The following GALNT17 variants were observed in gnomAD, a reference collection of about 807,000 sequenced individuals.
GALNT17 encodes the protein UDP-GalNAc:polypeptide N-acetylgalactosaminyltransferase-like 3.
GALNT17 carries 29 observed loss-of-function variants against 63.7 expected under a neutral mutation model. The ratio of observed to expected loss-of-function variants is 0.46; its 90% confidence interval spans 0.34 to 0.62. GALNT17 has a LOEUF of 0.62. GALNT17 is among the 20% of genes least tolerant of loss of function. The probability of loss-of-function intolerance (pLI) is 0.01; values close to 1 mark genes in which losing one functional copy is unlikely to be tolerated. For missense variants in GALNT17, 603 were observed against 799.6 expected (o/e 0.75, Z 2.97); for synonymous variants, 305 against 318.3 (o/e 0.96, Z 0.45).
At position 71,391,537 on chromosome 7, in the gene GALNT17, C is replaced by T. The variant is rs187105539; in HGVS notation, c.589+3136C>T. On this transcript the variant is annotated intron_variant, in intron 3 of 10. Coordinates refer to ENST00000333538, the MANE Select transcript of GALNT17 (RefSeq NM_022479.3). ...TCACTCTGTCGCCCGGGCTGGAGTGCGGTGGTGCGATCACAGCTTGTTGCA... is the reference window on the plus strand; with the variant it reads ...TCACTCTGTCGCCCGGGCTGGAGTGTGGTGGTGCGATCACAGCTTGTTGCA... Among the ~76,000 whole-genome samples, 16 of 152,240 alleles carry T rather than the reference C, an allele frequency of 1.1e-4. No individual in the cohort carries two copies. In the East Asian group the frequency reaches 1.2e-3, roughly 11 times the overall value.
intron 1 of GALNT17, among the ~76,000 whole-genome samples, chr7:71,285,172 G>A (rs1315238604): frequency 6.6e-6 from 1 of 152,096 alleles, no homozygotes; most frequent in Admixed American, 6.6e-5. Context: ...ATTAACTACC[G>A]AATACACCTT....
chr7:71,332,954 C>G (rs923440930), intron 1 of GALNT17, among the ~76,000 whole-genome samples: 13 of 152,330 alleles, frequency 8.5e-5, no homozygotes, highest in African/African-American at 3.1e-4. Context: ...TCCCAAATTG[C>G]TGGGATTACA....
At chr7:71,277,306 AT>A (rs1008991383) in intron 1 of GALNT17, among the ~76,000 whole-genome samples, 1 of 152,164 alleles carries the variant, frequency 6.6e-6, no homozygotes, top group Non-Finnish European at 1.5e-5. Flanking sequence ...TCGCATAGAC[AT>A]AAAGATGGAA....
chr7:71,339,072 T>G (rs1051495734), intron 2 of GALNT17, among the ~76,000 whole-genome samples: 26 of 152,198 alleles, frequency 1.7e-4, no homozygotes, highest in Non-Finnish European at 2.6e-4. Flanking sequence ...CATTGGCAAA[T>G]AAACATGGCC....
chr7:71,390,707 C>T (rs1194629531), intron 3 of GALNT17, among the ~76,000 whole-genome samples: 1 of 152,190 alleles, frequency 6.6e-6, no homozygotes. Flanking sequence ...TTCTCTCGAA[C>T]TCCCTGTTCC....
chr7:71,236,075 G>A (rs1048518942), intron 1 of GALNT17, among the ~76,000 whole-genome samples: 4 of 152,072 alleles, frequency 2.6e-5, no homozygotes, highest in Non-Finnish European at 5.9e-5. Context: ...CAGCTACTTG[G>A]GAGGCTAAAG....
chr7:71,438,181 C>T (rs1787001674), intron 5 of GALNT17, among the ~76,000 whole-genome samples: 2 of 152,122 alleles, frequency 1.3e-5, no homozygotes, highest in Admixed American at 1.3e-4. Flanking sequence ...AGTATTAACT[C>T]ACAAGATGAC....
At chr7:71,287,241 C>T (rs1790891865) in intron 1 of GALNT17, among the ~76,000 whole-genome samples, 1 of 151,966 alleles carries the variant, frequency 6.6e-6, no homozygotes, top group African/African-American at 2.4e-5. Flanking sequence ...AGGCATTGTG[C>T]CACCATGCCT....
chr7:71,501,944 G>A (rs1788186898), intron 5 of GALNT17, among the ~76,000 whole-genome samples: 1 of 151,872 alleles, frequency 6.6e-6, no homozygotes, highest in Non-Finnish European at 1.5e-5. Context: ...TTTCACTAGA[G>A]AAGCCCTGTC....
At chr7:71,508,553 A>AC (rs923208578) in intron 5 of GALNT17, among the ~76,000 whole-genome samples, 1 of 151,076 alleles carries the variant, frequency 6.6e-6, no homozygotes, top group Non-Finnish European at 1.5e-5. Flanking sequence ...CACACGCAGC[A>AC]CCCCCCGGCC....
Position 71,337,794 on chromosome 7 carries a change from G to A in GALNT17, c.422+2061G>A, listed in dbSNP as rs180675909. 1.1e-3 allele frequency among the ~76,000 whole-genome samples: 161 copies of A among 150,258 alleles called. 1 individual carries two copies. In the Middle Eastern group the frequency reaches 0.014, roughly 13 times the overall value. On this transcript the variant is annotated intron_variant, in intron 2 of 10. Transcript: ENST00000333538. ...GAGGCAGGAAAATCACTTGAACCAG[G>A]GAGGCAGAGGTTGCAGTGAGCCGAG...
At chr7:71,597,755 G>A (rs1789909412) in intron 6 of GALNT17, among the ~76,000 whole-genome samples, 1 of 152,002 alleles carries the variant, frequency 6.6e-6, no homozygotes, top group Admixed American at 6.5e-5. Flanking sequence ...GAGGTTGTGG[G>A]ACTGGCCCCA....
At chr7:71,665,652 T>A in intron 7 of GALNT17, 56 bp downstream of exon 7, 1 of 1,544,142 alleles carries the variant, frequency 6.5e-7, no homozygotes, top group Non-Finnish European at 8.7e-7. Flanking sequence ...TACTGTTTGA[T>A]CACTATTTAT....
At chr7:71,483,712 C>T (rs1787860831) in intron 5 of GALNT17, among the ~76,000 whole-genome samples, 1 of 152,010 alleles carries the variant, frequency 6.6e-6, no homozygotes. Flanking sequence ...GACAAATTAA[C>T]CTTTGCTTAC....
intron 6 of GALNT17, among the ~76,000 whole-genome samples, chr7:71,607,507 A>G (rs1387497069): frequency 6.6e-6 from 1 of 152,206 alleles, no homozygotes; most frequent in Non-Finnish European, 1.5e-5. Context: ...TATACCTATT[A>G]ATCATAAACA....
intron 1 of GALNT17, among the ~76,000 whole-genome samples, chr7:71,277,713 A>G (rs1790707693): frequency 6.6e-6 from 1 of 152,184 alleles, no homozygotes; most frequent in African/African-American, 2.4e-5. Context: ...AAGCACTGAG[A>G]AAGTTAGTGA....
chr7:71,460,590 A>C (rs961388390), intron 5 of GALNT17, among the ~76,000 whole-genome samples: 4 of 152,328 alleles, frequency 2.6e-5, no homozygotes, highest in East Asian at 1.9e-4. Context: ...ATCTCATGCA[A>C]GAAAGAATTT....
chr7:71,667,054 G>A (rs185864637), intron 7 of GALNT17, among the ~76,000 whole-genome samples: 1 of 152,352 alleles, frequency 6.6e-6, no homozygotes, highest in East Asian at 1.9e-4. Flanking sequence ...ATGCTGCACA[G>A]CAGGGTAACC....
At chr7:71,345,951 G>A (rs1001973192) in intron 2 of GALNT17, among the ~76,000 whole-genome samples, 9 of 151,432 alleles carry the variant, frequency 5.9e-5, no homozygotes, top group Non-Finnish European at 1.3e-4. Flanking sequence ...GAGAGGCTGA[G>A]GCAGGAAGAT....
Sources: allele counts gnomAD v4.1 joint callset (sites outside exome capture counted in the v4.1 genomes callset), GRCh38; gene constraint gnomAD v4.1.1; transcripts MANE v1.5; gene names NCBI Gene and HGNC (gene_info 2026-07-23, HGNC 2026-07-21).